Variants in TENM2 observed in about 807,000 individuals in gnomAD.
TENM2 encodes the protein teneurin-2.
TENM2 carries 52 observed loss-of-function variants against 245.2 expected under a neutral mutation model. The ratio of observed to expected loss-of-function variants is 0.21; its 90% CI spans 0.17 to 0.27. TENM2 has a LOEUF of 0.27. Among genes scored for constraint, TENM2 ranks in the 10% least tolerant of loss-of-function variants. The pLI is 1.00. For missense variants in TENM2, 3,046 were observed against 3,666.8 expected, an observed-to-expected ratio of 0.83 and a Z score of 4.37; for synonymous variants, 1,363 against 1,438.9, an observed-to-expected ratio of 0.95 and a Z score of 1.19.
the TENM2 span, among the ~76,000 whole-genome samples, chr5:167,029,822 G>A: frequency 6.6e-6 from 1 of 152,258 alleles, no homozygotes; most frequent in East Asian, 1.9e-4. Context: ...TCTTGCAGGG[G>A]TGAAAACAAA....
intron 3 of TENM2, among the ~76,000 whole-genome samples, chr5:167,907,540 T>C (rs1328150159): frequency 1.5e-5 from 1 of 67,274 alleles, no homozygotes; most frequent in Non-Finnish European, 2.5e-5. Context: ...TATATATATA[T>C]ATATATATAT....
chr5:167,836,057 G>T (rs1232885562), intron 2 of TENM2, among the ~76,000 whole-genome samples: 1 of 150,396 alleles, frequency 6.6e-6, no homozygotes, highest in East Asian at 2.0e-4. Context: ...AAAACTGGTG[G>T]GGGAGAAGGA....
the TENM2 span, among the ~76,000 whole-genome samples, chr5:167,033,329 A>T: frequency 6.6e-6 from 1 of 152,230 alleles, no homozygotes; most frequent in East Asian, 1.9e-4. Context: ...GCTGATGTAC[A>T]GATATTCTTC....
chr5:167,803,823 G>A (rs1268044392), intron 2 of TENM2, among the ~76,000 whole-genome samples: 1 of 152,022 alleles, frequency 6.6e-6, no homozygotes, highest in Non-Finnish European at 1.5e-5. Flanking sequence ...TTTAATGCAT[G>A]TATATAGTTG....
At chr5:167,225,132 T>G in the TENM2 span, among the ~76,000 whole-genome samples, 1 of 151,998 alleles carries the variant, frequency 6.6e-6, no homozygotes, top group African/African-American at 2.4e-5. Flanking sequence ...CAATGTAAGA[T>G]TGGGTCATCT....
chr5:167,121,298 T>G, the TENM2 span, among the ~76,000 whole-genome samples: 1 of 151,966 alleles, frequency 6.6e-6, no homozygotes, highest in Admixed American at 6.6e-5. Context: ...GGTGTGGTGA[T>G]GGGAAACAAA....
At chr5:167,597,805 C>T (rs2127720497) in intron 2 of TENM2, among the ~76,000 whole-genome samples, 1 of 152,294 alleles carries the variant, frequency 6.6e-6, no homozygotes, top group Non-Finnish European at 1.5e-5. Context: ...TCTCCCACCA[C>T]ACTAACCTCA....
At chr5:167,401,824 G>A (rs1038739065) in intron 2 of TENM2, among the ~76,000 whole-genome samples, 1 of 152,108 alleles carries the variant, frequency 6.6e-6, no homozygotes, top group African/African-American at 2.4e-5. Context: ...TGGATAGTTA[G>A]GGTTGTTTTC....
chr5:168,177,232 T>C (rs1759441754), intron 13 of TENM2, among the ~76,000 whole-genome samples: 1 of 152,206 alleles, frequency 6.6e-6, no homozygotes, highest in South Asian at 2.1e-4. Flanking sequence ...CTTAGTCAAG[T>C]AACTGACCCT....
At chr5:167,166,078 G>A in the TENM2 span, among the ~76,000 whole-genome samples, 1 of 152,192 alleles carries the variant, frequency 6.6e-6, no homozygotes, top group Non-Finnish European at 1.5e-5. Context: ...ATTAGGTCAT[G>A]AATAGGGAAA....
At chr5:168,176,857 C>T (rs1759406563) in intron 13 of TENM2, among the ~76,000 whole-genome samples, 1 of 152,148 alleles carries the variant, frequency 6.6e-6, no homozygotes, top group African/African-American at 2.4e-5. Flanking sequence ...ACAGTGACAC[C>T]CAAGTCACTA....
chr5:168,127,058 C>T lies in TENM2; in HGVS notation c.2422+92C>T, dbSNP rs1795904902. 1.9e-5 allele frequency: 21 copies of T among 1,097,364 alleles called. No individual in the cohort carries two copies. In the Middle Eastern group the frequency reaches 1.1e-3, roughly 57 times the overall value. The allele number at this position is 1,097,364 out of a possible 1,614,324, so 68.0% of individuals were successfully genotyped here. The stretch of plus-strand genomic sequence containing the variant: ...TCCTTCAGGGACACAAGTGCTCTCC[C>T]ACATTTCCTGCTGCCCCTCCAAATC... On this transcript the variant is annotated intron_variant, in intron 12 of 28. Transcript: ENST00000518659.
chr5:167,976,106 T>C (rs1373302080), intron 4 of TENM2, among the ~76,000 whole-genome samples: 1 of 152,198 alleles, frequency 6.6e-6, no homozygotes, highest in African/African-American at 2.4e-5. Context: ...CTTTAATTTT[T>C]ACACCATTTA....
the TENM2 span, among the ~76,000 whole-genome samples, chr5:166,985,091 C>T: frequency 6.6e-6 from 1 of 152,034 alleles, no homozygotes; most frequent in Non-Finnish European, 1.5e-5. Flanking sequence ...AAGATTTTTG[C>T]TCTTTATGTC....
intron 3 of TENM2, among the ~76,000 whole-genome samples, chr5:167,923,389 A>G (rs552904534): frequency 1.4e-4 from 22 of 152,242 alleles, no homozygotes; most frequent in Admixed American, 4.6e-4. Flanking sequence ...TGATCCAAGC[A>G]CACCACCTGG....
At chr5:167,058,767 GAAA>G in the TENM2 span, among the ~76,000 whole-genome samples, 2 of 151,016 alleles carry the variant, frequency 1.3e-5, no homozygotes, top group African/African-American at 2.4e-5. Context: ...GGGGGGCGGG[GAAA>G]AAAAAGAAGA....
chr5:167,067,560 T>A, the TENM2 span, among the ~76,000 whole-genome samples: 1 of 152,172 alleles, frequency 6.6e-6, no homozygotes, highest in Non-Finnish European at 1.5e-5. Flanking sequence ...AATAAGACAC[T>A]TTTTTGAATG....
At chr5:167,950,811 T>C (rs898819210) in intron 3 of TENM2, among the ~76,000 whole-genome samples, 4 of 152,312 alleles carry the variant, frequency 2.6e-5, no homozygotes, top group Non-Finnish European at 2.9e-5. Context: ...TATAATAGCC[T>C]GCTACAGCTA....
intron 2 of TENM2, among the ~76,000 whole-genome samples, chr5:167,454,529 GCA>G (rs1413643843): frequency 1.3e-5 from 2 of 151,296 alleles, no homozygotes; most frequent in Non-Finnish European, 2.9e-5. Context: ...GTGTGTGCAT[GCA>G]CACCCACACA....
Sources: allele counts gnomAD v4.1 joint callset (sites outside exome capture counted in the v4.1 genomes callset), GRCh38; gene constraint gnomAD v4.1.1; transcripts MANE v1.5; gene names NCBI Gene and HGNC (gene_info 2026-07-23, HGNC 2026-07-21).